The following STAU2 variants were observed in gnomAD, a reference collection of about 807,000 sequenced individuals.
The protein encoded by STAU2 is staufen double-stranded RNA binding protein 2.
Under a neutral mutation model 65.9 loss-of-function variants are expected in STAU2, and 20 were observed. That is an observed-to-expected ratio of 0.30 (90% CI 0.21 to 0.44). The LOEUF is 0.44. Among genes scored for constraint, STAU2 ranks in the 20% least tolerant of loss-of-function variants. STAU2 has a pLI of 1.00. For synonymous variants in STAU2, 232 were observed against 233.9 expected (o/e 0.99, Z 0.07); for missense variants, 558 against 683.9 (o/e 0.82, Z 2.05).
Position 73,614,019 on chromosome 8 carries a change from G to T in STAU2, c.679-63C>A. The stretch of plus-strand genomic sequence containing the variant: ...CACTTGAGATGTATTCTTAAAGTAT[G>T]ACTTAATATTCATATCAAAACCAAA... On this transcript the variant is annotated intron_variant, in intron 8 of 14. Transcript: ENST00000524300. 2.3e-6 allele frequency: 3 copies of T among 1,331,980 alleles called. No homozygotes were observed. The South Asian group carries it at 4.5e-5, about 20-fold the overall frequency. 82.5% of individuals were successfully genotyped at this position (1,331,980 alleles called of 1,614,324 possible). A position where few individuals can be genotyped will look rare whatever the true frequency, so the allele number is the denominator to read the frequency against.
intron 13 of STAU2, among the ~76,000 whole-genome samples, chr8:73,464,460 T>C (rs1190241296): frequency 6.6e-6 from 1 of 152,234 alleles, no homozygotes; most frequent in Admixed American, 6.5e-5. Context: ...TGAAATATTC[T>C]TTGAAACCAG....
chr8:73,721,086 C>T (rs1314820490), intron 3 of STAU2, among the ~76,000 whole-genome samples: 2 of 145,962 alleles, frequency 1.4e-5, no homozygotes, highest in Non-Finnish European at 3.0e-5. Context: ...TCTAGACCAA[C>T]CTGGGCAACA....
intron 4 of STAU2, among the ~76,000 whole-genome samples, chr8:73,691,683 C>T (rs530434780): frequency 6.6e-6 from 1 of 152,140 alleles, no homozygotes; most frequent in African/African-American, 2.4e-5. Flanking sequence ...TAAACTACCA[C>T]AACACCACCT....
intron 13 of STAU2, among the ~76,000 whole-genome samples, chr8:73,467,762 C>T (rs1819739356): frequency 6.6e-6 from 1 of 152,062 alleles, no homozygotes; most frequent in Non-Finnish European, 1.5e-5. Flanking sequence ...GTACCTGTTT[C>T]CCCTGTGTCC....
At chr8:73,683,817 G>A (rs186483281) in intron 5 of STAU2, among the ~76,000 whole-genome samples, 36 of 152,158 alleles carry the variant, frequency 2.4e-4, no homozygotes, top group Admixed American at 4.6e-4. Context: ...CACCAACAGC[G>A]ACCAAGCTGA....
At chr8:73,629,549 T>G (rs953710682) in intron 6 of STAU2, among the ~76,000 whole-genome samples, 3 of 152,184 alleles carry the variant, frequency 2.0e-5, no homozygotes, top group Admixed American at 2.0e-4. Flanking sequence ...AAACTAAAAG[T>G]AGAAATATAA....
chr8:73,648,841 C>G (rs528237738), intron 6 of STAU2, among the ~76,000 whole-genome samples: 1 of 152,314 alleles, frequency 6.6e-6, no homozygotes, highest in East Asian at 1.9e-4. Context: ...CAGTCTCTCT[C>G]TGTTACACAG....
At chr8:73,450,137 T>G (rs1422937993) in intron 13 of STAU2, among the ~76,000 whole-genome samples, 1 of 152,222 alleles carries the variant, frequency 6.6e-6, no homozygotes, top group Non-Finnish European at 1.5e-5. Flanking sequence ...AAATATGTAT[T>G]AATAAGTAAC....
Position 73,653,817 on chromosome 8 carries a change from T to C in STAU2, c.410+19290A>G, listed in dbSNP as rs78369704. 4.7e-3 allele frequency: 1,916 copies of C among 408,186 alleles called. 57 individuals carry two copies. In the East Asian group the frequency reaches 0.082, roughly 17 times the overall value. The allele number at this position is 408,186 out of a possible 1,614,324, so 25.3% of individuals were successfully genotyped here. On this transcript the variant is annotated intron_variant, in intron 6 of 14. Coordinates refer to ENST00000524300, the MANE Select transcript of STAU2 (RefSeq NM_001164380.2). ...TTAGGAGTCTTCAAGAGAGATACAG[T>C]ATGCAGCATTTCCAAAATTTGTCTT...
At chr8:73,423,274 G>A (rs1489631270) in intron 13 of STAU2, among the ~76,000 whole-genome samples, 5 of 152,206 alleles carry the variant, frequency 3.3e-5, no homozygotes, top group African/African-American at 1.2e-4. Flanking sequence ...AGGCAGGCCT[G>A]CCGGGCAGAG....
chr8:73,425,788 G>A (rs1816771954), intron 13 of STAU2, among the ~76,000 whole-genome samples: 1 of 151,688 alleles, frequency 6.6e-6, no homozygotes, highest in African/African-American at 2.4e-5. Context: ...CATATCACTT[G>A]TTTTTTTTCT....
chr8:73,709,149 A>T lies in STAU2; in HGVS notation c.-4T>A. On this transcript the variant is annotated 5_prime_UTR_variant, in exon 4 of 15. Coordinates refer to ENST00000524300, the MANE Select transcript of STAU2 (RefSeq NM_001164380.2). Reference sequence around the variant, plus strand: ...TTTTCTCTTTTGGGTTTGCCATTTTATCTTGGAGAGAAGCTGTAAATAAAA... The same window carrying T: ...TTTTCTCTTTTGGGTTTGCCATTTTTTCTTGGAGAGAAGCTGTAAATAAAA... The T allele has an allele frequency of 6.6e-7, 1 of 1,521,754 alleles. No homozygotes were observed. Among genetic ancestry groups the T allele is most frequent in the South Asian group, 1.2e-5 (1 of 80,644 alleles). 94.3% of individuals were successfully genotyped at this position (1,521,754 alleles called of 1,614,324 possible). A position where few individuals can be genotyped will look rare whatever the true frequency, so the allele number is the denominator to read the frequency against.
At chr8:73,561,599 C>G in intron 12 of STAU2, 2 of 449,306 alleles carry the variant, frequency 4.5e-6, no homozygotes. Context: ...CAAAAGTGAC[C>G]TGATCTCTCA....
At chr8:73,624,698 T>C (rs2129961232) in intron 6 of STAU2, among the ~76,000 whole-genome samples, 1 of 152,314 alleles carries the variant, frequency 6.6e-6, no homozygotes, top group East Asian at 1.9e-4. Context: ...TGCCTCTGAA[T>C]GAACTGGATA....
chr8:73,516,423 T>A (rs764720750), intron 13 of STAU2, among the ~76,000 whole-genome samples: 4 of 152,190 alleles, frequency 2.6e-5, no homozygotes, highest in Non-Finnish European at 5.9e-5. Context: ...TCTAGAATAT[T>A]TGGGGGTTTA....
intron 13 of STAU2, among the ~76,000 whole-genome samples, chr8:73,509,206 T>C (rs938197239): frequency 1.1e-4 from 17 of 152,162 alleles, no homozygotes; most frequent in African/African-American, 3.9e-4. Context: ...TGTGAAATGG[T>C]ATGTTATCGT....
chr8:73,469,294 A>G (rs1008191726), intron 13 of STAU2, among the ~76,000 whole-genome samples: 55 of 151,860 alleles, frequency 3.6e-4, no homozygotes, highest in African/African-American at 1.3e-3. Context: ...ATCACACACC[A>G]GGGCCTGTTG....
intron 13 of STAU2, among the ~76,000 whole-genome samples, chr8:73,511,884 T>C (rs1427437501): frequency 1.3e-5 from 2 of 152,188 alleles, no homozygotes; most frequent in Non-Finnish European, 1.5e-5. Context: ...TTTTAAAGTT[T>C]TGGGTTTTAC....
chr8:73,518,516 G>A (rs1050988112), intron 13 of STAU2, among the ~76,000 whole-genome samples: 1 of 152,154 alleles, frequency 6.6e-6, no homozygotes, highest in African/African-American at 2.4e-5. Context: ...AATGGTTGTG[G>A]CTGTGTCCCA....
Sources: allele counts gnomAD v4.1 joint callset (sites outside exome capture counted in the v4.1 genomes callset), GRCh38; gene constraint gnomAD v4.1.1; transcripts MANE v1.5; gene names NCBI Gene and HGNC (gene_info 2026-07-23, HGNC 2026-07-21).